The following CA12 variants were observed in gnomAD, a reference collection of about 807,000 sequenced individuals.
CA12 encodes the protein carbonic anhydrase 12.
CA12 carries 36 observed loss-of-function variants against 46.8 expected under a neutral mutation model. That is an observed-to-expected ratio of 0.77 (90% CI 0.59 to 1.02). CA12 has a LOEUF of 1.02. Among genes scored for constraint, CA12 ranks in the 50% least tolerant of loss-of-function variants. The pLI is 0.00. For synonymous variants in CA12, 202 were observed against 187.0 expected (o/e 1.08, Z -0.65); for missense variants, 436 against 451.4 (o/e 0.97, Z 0.31).
At position 63,360,395 on chromosome 15, in the gene CA12, G is replaced by C. The variant is rs140436532; in HGVS notation, c.107-13686C>G. On this transcript the variant is annotated intron_variant, in intron 2 of 10. Transcript: ENST00000178638. The stretch of plus-strand genomic sequence containing the variant: ...CAGCAAATAAATCACTCTTTGCCCT[G>C]CAGGGAGATATTGTCACTATCATCT... Among the ~76,000 whole-genome samples the C allele has an allele frequency of 4.7e-3, 721 of 152,340 alleles. 3 individuals are homozygous for C. Among genetic ancestry groups the C allele is most frequent in the Middle Eastern group, 0.014 (4 of 294 alleles).
Position 63,345,584 on chromosome 15 carries a change from C to T in CA12, c.322G>A (p.Gly108Ser). The change falls in exon 4 of 11, where the codon GGC becomes AGC. Residue 108 changes from glycine (G) to serine (S), a missense_variant. Coordinates refer to ENST00000178638, the MANE Select transcript of CA12 (RefSeq NM_001218.5). This position sits in a 1 kb window ranked among gnomAD's most constrained non-coding sequence, Gnocchi z 4.3. ...LNLPSDMHIQ[G>S]LQSRYSATQL... ...GTGGCACTGTAGCGAGACTGGAGGC[C>T]CTGGATGTGCATGTCCGAGGGCAGG... 2 of 1,613,398 alleles carry T rather than the reference C, an allele frequency of 1.2e-6. No individual in the cohort carries two copies. Among genetic ancestry groups the T allele is most frequent in the Non-Finnish European group, 1.7e-6 (2 of 1,180,008 alleles).
At chr15:63,380,281 G>A (rs564563161) in intron 1 of CA12, among the ~76,000 whole-genome samples, 1 of 152,220 alleles carries the variant, frequency 6.6e-6, no homozygotes, top group Admixed American at 6.5e-5. Flanking sequence ...GAGGGAAGAG[G>A]AAGAGCAGGG....
intron 2 of CA12, 200 bp downstream of exon 2, chr15:63,375,458 C>T (rs2039558122): frequency 1.9e-6 from 1 of 538,116 alleles, no homozygotes; most frequent in African/African-American, 1.9e-5. Context: ...GCAGGCTCGC[C>T]TGCTTGGAGA....
Position 63,373,044 on chromosome 15 carries a change from A to G in CA12, c.106+2614T>C, listed in dbSNP as rs1198584896. ...ACTGAGAAGCCCGCCCTTGGCGAACACCACGTCATGATGAAGAGGCAGTTA... is the reference window on the plus strand; with the variant it reads ...ACTGAGAAGCCCGCCCTTGGCGAACGCCACGTCATGATGAAGAGGCAGTTA... On this transcript the variant is annotated intron_variant, in intron 2 of 10. Transcript: ENST00000178638. The surrounding 1 kb of genome is among the most constrained non-coding windows in gnomAD (Gnocchi z 4.9). 1.3e-5 allele frequency among the ~76,000 whole-genome samples: 2 copies of G among 152,196 alleles called. No homozygotes were observed. The highest frequency in any genetic ancestry group is 6.5e-5 in the Admixed American group (1 of 15,276).
At chr15:63,363,851 T>A (rs894214124) in intron 2 of CA12, among the ~76,000 whole-genome samples, 1 of 152,154 alleles carries the variant, frequency 6.6e-6, no homozygotes, top group Non-Finnish European at 1.5e-5. Flanking sequence ...GCTTCATCCT[T>A]GCTGATGTAC....
intron 2 of CA12, among the ~76,000 whole-genome samples, chr15:63,354,657 G>A (rs956770222): frequency 2.0e-5 from 3 of 152,186 alleles, no homozygotes; most frequent in African/African-American, 4.8e-5. Flanking sequence ...TGTTCCCTCT[G>A]AGTCTTGTGG....
rs114211189 is a variant in CA12, at chr15:63,331,163, T to C, written c.875-3033A>G. 4.7e-4 allele frequency among the ~76,000 whole-genome samples: 71 copies of C among 152,216 alleles called. No homozygotes were observed. Among genetic ancestry groups the C allele is most frequent in the African/African-American group, 1.7e-3 (70 of 41,528 alleles). On this transcript the variant is annotated intron_variant, in intron 8 of 10. Transcript: ENST00000178638. This position sits in a 1 kb window ranked among gnomAD's most constrained non-coding sequence, Gnocchi z 5.3. ...TTTGCAGAAATGGGCTTGAGTCCCA[T>C]TGGAGGCAGATGCCAAAACATCTGT...
Position 63,322,955 on chromosome 15 carries a change from C to A in CA12, c.*3330G>T, listed in dbSNP as rs2038812343. On this transcript the variant is annotated 3_prime_UTR_variant, in exon 11 of 11. Transcript: ENST00000178638. The surrounding 1 kb of genome is among the most constrained non-coding windows in gnomAD (Gnocchi z 4.1). Reference sequence around the variant, plus strand: ...AAATTGGATGCTTTTCTAAATAAGGCAAACAATGATGGTACCTATTTTATA... The same window carrying A: ...AAATTGGATGCTTTTCTAAATAAGGAAAACAATGATGGTACCTATTTTATA... The A allele has an allele frequency of 6.6e-6, 1 of 152,240 alleles. No homozygotes were observed. Among genetic ancestry groups the A allele is most frequent in the South Asian group, 2.1e-4 (1 of 4,834 alleles). The allele number at this position is 152,240 out of a possible 1,614,324, so 9.4% of individuals were successfully genotyped here.
rs751744476 is a variant in CA12, at chr15:63,345,436, C to T, written c.429+41G>A. The stretch of plus-strand genomic sequence containing the variant: ...CAGGTCGAGAAGGTGCCACACCACC[C>T]ACTGCAGAGCAGCCTCTGCCAGACT... On this transcript the variant is annotated intron_variant, in intron 4 of 10. Transcript: ENST00000178638. The surrounding 1 kb of genome is among the most constrained non-coding windows in gnomAD (Gnocchi z 4.3). 16 of 1,600,228 alleles carry T rather than the reference C, an allele frequency of 1.0e-5. No individual in the cohort carries two copies. Among genetic ancestry groups the T allele is most frequent in the Non-Finnish European group, 1.4e-5 (16 of 1,179,286 alleles).
Position 63,327,098 on chromosome 15 carries a change from C to T in CA12, c.992+51G>A. ...AAGCTGCCTTCCCAGGCAGACTAAT[C>T]ATCATGGACACATAGCTGTCCATTC... On this transcript the variant is annotated intron_variant, in intron 10 of 10. Transcript: ENST00000178638. The surrounding 1 kb of genome is among the most constrained non-coding windows in gnomAD (Gnocchi z 4.5). 6.7e-7 allele frequency: 1 copy of T among 1,500,710 alleles called. No individual in the cohort carries two copies. Among genetic ancestry groups the T allele is most frequent in the South Asian group, 1.1e-5 (1 of 88,432 alleles). 93.0% of individuals were successfully genotyped at this position (1,500,710 alleles called of 1,614,324 possible). A position where few individuals can be genotyped will look rare whatever the true frequency, so the allele number is the denominator to read the frequency against.
chr15:63,357,837 C>T (rs577090333), intron 2 of CA12, among the ~76,000 whole-genome samples: 1 of 152,318 alleles, frequency 6.6e-6, no homozygotes, highest in South Asian at 2.1e-4. Flanking sequence ...TCTCCCTGCT[C>T]TCAGCACCGG....
At chr15:63,357,852 C>T (rs1230124113) in intron 2 of CA12, among the ~76,000 whole-genome samples, 1 of 152,158 alleles carries the variant, frequency 6.6e-6, no homozygotes, top group Non-Finnish European at 1.5e-5. Flanking sequence ...CACCGGGCAA[C>T]CACTAATCTG....
At position 63,355,927 on chromosome 15, in the gene CA12, G is replaced by A. The variant is rs185544638; in HGVS notation, c.107-9218C>T. ...ATAGGGGGCTCCAGGCTCAGGCAAC[G>A]ACTGGTAACCATCTCTGAACAGAAA... On this transcript the variant is annotated intron_variant, in intron 2 of 10. Transcript: ENST00000178638. The surrounding 1 kb of genome is among the most constrained non-coding windows in gnomAD (Gnocchi z 4.1). Among the ~76,000 whole-genome samples the A allele has an allele frequency of 2.2e-4, 33 of 152,252 alleles. No individual in the cohort carries two copies. Among genetic ancestry groups the A allele is most frequent in the East Asian group, 1.9e-4 (1 of 5,178 alleles).
At chr15:63,379,093 C>G (rs2039612329) in intron 1 of CA12, 1 of 152,238 alleles carries the variant, frequency 6.6e-6, no homozygotes, top group South Asian at 2.1e-4. Context: ...ACATCTGGGA[C>G]TGTGAGGTCG....
At chr15:63,349,504 C>T (rs546582786) in intron 2 of CA12, among the ~76,000 whole-genome samples, 1 of 152,280 alleles carries the variant, frequency 6.6e-6, no homozygotes, top group East Asian at 1.9e-4. Context: ...TCAGCAAGGT[C>T]AAGAAAGCCT....
intron 1 of CA12, among the ~76,000 whole-genome samples, chr15:63,376,568 T>TTCTTTCTTTCTTTCTC (rs2039576734): frequency 1.8e-5 from 2 of 110,554 alleles, no homozygotes; most frequent in Non-Finnish European, 3.8e-5. Context: ...CTTTCTTTCT[T>TTCTTTCTTTCTTTCTC]TCTTTCTTTC....
chr15:63,357,210 G>C (rs2152621884), intron 2 of CA12, among the ~76,000 whole-genome samples: 1 of 152,344 alleles, frequency 6.6e-6, no homozygotes, highest in East Asian at 1.9e-4. Context: ...GCCAGAACTT[G>C]AGTGCACAAT....
rs1379535056 is a variant in CA12 at position 63,327,006 on chromosome 15, G to A, written c.992+143C>T. The A allele has an allele frequency of 2.1e-5, 15 of 714,392 alleles. No individual in the cohort carries two copies. Among genetic ancestry groups the A allele is most frequent in the East Asian group, 2.8e-5 (1 of 36,016 alleles). 44.3% of individuals were successfully genotyped at this position (714,392 alleles called of 1,614,324 possible). On this transcript the variant is annotated intron_variant, in intron 10 of 10. Transcript: ENST00000178638. The surrounding 1 kb of genome is among the most constrained non-coding windows in gnomAD (Gnocchi z 4.5). ...TCTCATGCAAAGGAGGCCAGGGCAC[G>A]GGTGCTTTGGGGACGGCCCTCCTAG...
At position 63,329,196 on chromosome 15, in the gene CA12, C is replaced by T. The variant is rs2038905517; in HGVS notation, c.875-1066G>A. On this transcript the variant is annotated intron_variant, in intron 8 of 10. Transcript: ENST00000178638. This position sits in a 1 kb window ranked among gnomAD's most constrained non-coding sequence, Gnocchi z 4.8. ...TGGTTCTATTTTTGCTTTGTCCCTC[C>T]TGGACAAACGCCTTCACCACATCAG... is the stretch of plus-strand genomic sequence containing the variant. Among the ~76,000 whole-genome samples, 1 of 152,224 alleles carries T rather than the reference C, an allele frequency of 6.6e-6. No homozygotes were observed. Among genetic ancestry groups the T allele is most frequent in the Admixed American group, 6.5e-5 (1 of 15,292 alleles).
Sources: gnomAD v4.1 joint callset for allele counts (sites outside exome capture counted in the v4.1 genomes callset) on GRCh38, gnomAD v4.1.1 for gene constraint, Gnocchi (gnomAD v3.1) non-coding constraint, MANE v1.5 for transcripts, NCBI Gene and HGNC (gene_info 2026-07-23, HGNC 2026-07-21) for gene names.